CASK: variants seen among roughly 807,000 people sequenced by gnomAD.
CASK encodes the protein calcium/calmodulin dependent serine protein kinase, also known as peripheral plasma membrane protein CASK.
A neutral mutation model predicts 82.9 loss-of-function variants in CASK; 4 were observed. The ratio of observed to expected loss-of-function variants is 0.05; its 90% confidence interval spans 0.02 to 0.11. The LOEUF is 0.11. Ranked by LOEUF, CASK falls within the 10% of genes least tolerant of loss-of-function variation. The pLI, the probability that CASK is intolerant of heterozygous loss-of-function variation, is 1.00. For synonymous variants in CASK, 259 were observed against 253.5 expected, an observed-to-expected ratio of 1.02 and a Z score of -0.20; for missense variants, 358 against 720.9, an observed-to-expected ratio of 0.50 and a Z score of 5.76.
At chrX:41,733,394 C>T (rs780748312) in intron 5 of CASK, among the ~76,000 whole-genome samples, 18 of 111,011 alleles carry the variant, frequency 1.6e-4, no homozygotes, top group African/African-American at 5.9e-4. Context: ...ACTGAACGTG[C>T]ACATTATGTT....
chrX:41,730,725 T>TGGG (rs1295128430), intron 5 of CASK, among the ~76,000 whole-genome samples: 2 of 111,089 alleles, frequency 1.8e-5, no homozygotes, highest in Non-Finnish European at 3.8e-5. Flanking sequence ...TTTTATGAGA[T>TGGG]GGGGTCTCAC....
At chrX:41,828,017 T>C (rs1393545017) in intron 2 of CASK, among the ~76,000 whole-genome samples, 2 of 111,739 alleles carry the variant, frequency 1.8e-5, no homozygotes, top group Non-Finnish European at 1.9e-5. Flanking sequence ...TGCTAAGCAC[T>C]AAGCTGAGAT....
At chrX:41,764,695 T>A (rs1369320943) in intron 3 of CASK, among the ~76,000 whole-genome samples, 1 of 111,965 alleles carries the variant, frequency 8.9e-6, no homozygotes. Flanking sequence ...TGCTCTCTGC[T>A]GACACTGATC....
chrX:41,842,867 TATTAG>T (rs2071072972), intron 2 of CASK, among the ~76,000 whole-genome samples: 1 of 112,109 alleles, frequency 8.9e-6, no homozygotes, highest in African/African-American at 3.2e-5. Context: ...GTTTTCCATT[TATTAG>T]CCTTGCACTT....
intron 12 of CASK, among the ~76,000 whole-genome samples, chrX:41,609,478 G>A (rs1379964213): frequency 1.8e-5 from 2 of 111,438 alleles, no homozygotes; most frequent in Non-Finnish European, 3.8e-5. Context: ...TAGGCTTAAG[G>A]CAACTGAAAA....
At chrX:41,690,234 A>T (rs994564493) in intron 5 of CASK, among the ~76,000 whole-genome samples, 42 of 111,599 alleles carry the variant, frequency 3.8e-4, no homozygotes, top group Non-Finnish European at 2.4e-4. Flanking sequence ...TTTAAAAAAT[A>T]TCAGTAAATA....
At chrX:41,598,795 C>T (rs1244620743) in intron 12 of CASK, among the ~76,000 whole-genome samples, 1 of 111,785 alleles carries the variant, frequency 8.9e-6, no homozygotes, top group Non-Finnish European at 1.9e-5. Flanking sequence ...AATGCCTATC[C>T]TACCTGCACC....
At chrX:41,883,503 A>G (rs1353165209) in intron 1 of CASK, among the ~76,000 whole-genome samples, 2 of 111,622 alleles carry the variant, frequency 1.8e-5, no homozygotes, top group African/African-American at 6.5e-5. Flanking sequence ...TTAACTCAAA[A>G]GCTGAAAGAA....
chrX:41,555,765 T>C, intron 19 of CASK, 130 bp from the exon 20 acceptor site: 1 of 496,065 alleles, frequency 2.0e-6, no homozygotes, highest in Non-Finnish European at 3.5e-6. Flanking sequence ...ATAATATACA[T>C]TATTCCATTT....
At chrX:41,710,081 T>TGTGTGTGTGTGTGTG (rs2067947788) in intron 5 of CASK, among the ~76,000 whole-genome samples, 5 of 72,177 alleles carry the variant, frequency 6.9e-5, no homozygotes, top group Admixed American at 1.7e-4. Context: ...GGTATAGATT[T>TGTGTGTGTGTGTGTG]TGTGTGTGTG....
At chrX:41,781,069 T>A (rs2069465518) in intron 3 of CASK, among the ~76,000 whole-genome samples, 1 of 111,660 alleles carries the variant, frequency 9.0e-6, no homozygotes, top group African/African-American at 3.3e-5. Context: ...GCCTCCCAAG[T>A]AGCTGGGACT....
chrX:41,897,976 T>C (rs2072300005), intron 1 of CASK, among the ~76,000 whole-genome samples: 1 of 112,108 alleles, frequency 8.9e-6, no homozygotes, highest in Non-Finnish European at 1.9e-5. Context: ...ATCAGGGTAA[T>C]GCTGGCTTCA....
chrX:41,631,628 C>T (rs1181402076), intron 9 of CASK, among the ~76,000 whole-genome samples: 1 of 109,762 alleles, frequency 9.1e-6, no homozygotes, highest in African/African-American at 3.3e-5. Context: ...GCCACCATGC[C>T]CAGCTAATTT....
intron 5 of CASK, among the ~76,000 whole-genome samples, chrX:41,717,866 G>T (rs1313770609): frequency 8.9e-6 from 1 of 112,084 alleles, no homozygotes; most frequent in Non-Finnish European, 1.9e-5. Context: ...CTGTTGTCTG[G>T]CATACAACCC....
At chrX:41,703,394 G>A (rs988388879) in intron 5 of CASK, among the ~76,000 whole-genome samples, 4 of 112,152 alleles carry the variant, frequency 3.6e-5, no homozygotes, top group Non-Finnish European at 7.5e-5. Flanking sequence ...ATATTTTTGT[G>A]CTTTTACAAC....
At position 41,923,447 on chromosome X, in the gene CASK, A is replaced by T. The variant is rs1266677958; in HGVS notation, c.-459T>A. ...GACCATGGAGCGAGGATCGCCGCGG[A>T]GGGAGGTGGCGGCGGCGGCGGATCG... On this transcript the variant is annotated 5_prime_UTR_variant, in exon 1 of 27. Coordinates refer to ENST00000378163, the MANE Select transcript of CASK (RefSeq NM_001367721.1). The T allele has an allele frequency of 1.8e-5, 2 of 110,989 alleles. No individual in the cohort carries two copies. The highest frequency in any genetic ancestry group is 3.8e-5 in the Non-Finnish European group (2 of 52,628). 9.1% of individuals were successfully genotyped at this position (110,989 alleles called of 1,213,427 possible). A position where few individuals can be genotyped will look rare whatever the true frequency, so the allele number is the denominator to read the frequency against.
intron 3 of CASK, among the ~76,000 whole-genome samples, chrX:41,778,508 GGT>G (rs200256136): frequency 0.037 from 4,105 of 111,441 alleles, 202 homozygotes; most frequent in African/African-American, 0.13. Context: ...TGGGATTACA[GGT>G]GTGAGCCACC....
At chrX:41,901,918 C>T (rs893111759) in intron 1 of CASK, among the ~76,000 whole-genome samples, 2 of 111,592 alleles carry the variant, frequency 1.8e-5, no homozygotes, top group Non-Finnish European at 3.8e-5. Context: ...GATTCAAGGA[C>T]GCAGGCTTGG....
chrX:41,613,886 T>G (rs955285437), intron 11 of CASK, among the ~76,000 whole-genome samples: 4 of 112,051 alleles, frequency 3.6e-5, no homozygotes, highest in African/African-American at 1.3e-4. Context: ...GCTACTGATT[T>G]TTGTAGCTCT....
Sources: allele counts gnomAD v4.1 joint callset (sites outside exome capture counted in the v4.1 genomes callset), GRCh38; gene constraint gnomAD v4.1.1; transcripts MANE v1.5; gene names NCBI Gene and HGNC (gene_info 2026-07-23, HGNC 2026-07-21).